Variants in MMP14 observed in about 807,000 individuals in gnomAD.
MMP14 encodes the protein matrix metalloproteinase-14.
Under a neutral mutation model 64.8 loss-of-function variants are expected in MMP14, and 13 were observed. That is an observed-to-expected ratio of 0.20 (90% CI 0.13 to 0.32). The LOEUF is 0.32. Among genes scored for constraint, MMP14 ranks in the 10% least tolerant of loss-of-function variants. MMP14 has a pLI of 1.00. For synonymous variants in MMP14, 322 were observed against 315.9 expected (o/e 1.02, Z -0.20); for missense variants, 594 against 783.8 (o/e 0.76, Z 2.89).
At position 22,844,487 on chromosome 14, in the gene MMP14, T is replaced by C. The variant is rs372860898; in HGVS notation, c.1128T>C (p.Asp376=). 1 of 1,614,176 alleles carries C rather than the reference T, an allele frequency of 6.2e-7. No individual in the cohort carries two copies. Among genetic ancestry groups the C allele is most frequent in the African/African-American group, 1.3e-5 (1 of 75,046 alleles). The change falls in exon 7 of 10, where the codon GAT becomes GAC. Residue 376 remains aspartate (D), a synonymous_variant. Coordinates refer to ENST00000311852, the MANE Select transcript of MMP14 (RefSeq NM_004995.4). ...TCAACACTGCCTACGAGAGGAAGGA[T>C]GGCAAATTCGTCTTCTTCAAAGGTA... ...ASINTAYERK[D]GKFVFFKGDK...
Position 22,845,832 on chromosome 14 carries a change from G to A in MMP14, c.1542G>A (p.Pro514=), listed in dbSNP as rs757826669. 1.5e-5 allele frequency: 25 copies of A among 1,614,076 alleles called. No homozygotes were observed. The highest frequency in any genetic ancestry group is 6.7e-5 in the African/African-American group (5 of 74,940). ...TGGGCTGCCCATCGGGAGGCCGGCC[G>A]GATGAGGGGACTGAGGAGGAGACGG... The part of the protein sequence containing the change: ...DWMGCPSGGR[P]DEGTEEETEV... Residue 514 remains proline (P), a synonymous_variant, in exon 10 of 10, where the codon CCG becomes CCA. Transcript: ENST00000311852.
intron 9 of MMP14, among the ~76,000 whole-genome samples, 153 bp downstream of exon 9, chr14:22,845,519 T>C (rs1165520396): frequency 6.6e-6 from 1 of 152,116 alleles, no homozygotes; most frequent in Non-Finnish European, 1.5e-5. Flanking sequence ...CCACACGTGG[T>C]GCCCATTCAT....
chr14:22,839,987 GAGAC>G (rs2039761978), intron 1 of MMP14, among the ~76,000 whole-genome samples: 1 of 25,598 alleles, frequency 3.9e-5, no homozygotes. Context: ...TTTTTTTTTT[GAGAC>G]AGAGTCTCGC....
chr14:22,843,858 G>A lies in MMP14; in HGVS notation c.999G>A (p.Met333Ile), dbSNP rs2039791674. ...FDTVAMLRGEMFVFKERWFWR... is the reference protein window; with the variant it reads ...FDTVAMLRGEIFVFKERWFWR... ...CCGTGGCCATGCTCCGAGGGGAGAT[G>A]TTTGTCTTCAAGGTGAGAAGAAGTG... Residue 333 changes from methionine to isoleucine, a missense_variant, in exon 6 of 10, where the codon ATG (methionine) becomes ATA (isoleucine). Coordinates refer to ENST00000311852, the MANE Select transcript of MMP14 (RefSeq NM_004995.4). This position sits in a 1 kb window ranked among gnomAD's most constrained non-coding sequence, Gnocchi z 4.8. 1 of 1,611,374 alleles carries A rather than the reference G, an allele frequency of 6.2e-7. No homozygotes were observed. The highest frequency in any genetic ancestry group is 8.5e-7 in the Non-Finnish European group (1 of 1,179,362).
chr14:22,845,892 CG>C lies in MMP14; in HGVS notation c.1606del (p.Ala536ArgfsTer2). 6.2e-7 allele frequency: 1 copy of C among 1,613,058 alleles called. No individual in the cohort carries two copies. Among genetic ancestry groups the C allele is most frequent in the Non-Finnish European group, 8.5e-7 (1 of 1,179,550 alleles). On this transcript the variant is annotated frameshift_variant, in exon 10 of 10. Transcript: ENST00000311852. LOFTEE classifies it high-confidence loss of function. Reference sequence around the variant, plus strand: ...TCATTGAGGTGGACGAGGAGGGCGGCGGGGCGGTGAGCGCGGCTGCCGTGGT... The same window carrying C: ...TCATTGAGGTGGACGAGGAGGGCGGCGGGCGGTGAGCGCGGCTGCCGTGGT... ...IIIEVDEEGG[G>X]AVSAAAVVLP...
intron 8 of MMP14, 103 bp from the exon 9 acceptor site, chr14:22,845,148 T>C: frequency 1.4e-6 from 1 of 706,564 alleles, no homozygotes; most frequent in South Asian, 1.6e-5. Flanking sequence ...GTCCCCACCC[T>C]GTCCACAGCT....
chr14:22,838,318 T>G (rs147771010), intron 1 of MMP14, among the ~76,000 whole-genome samples: 162 of 152,202 alleles, frequency 1.1e-3, no homozygotes, highest in African/African-American at 3.7e-3. Flanking sequence ...TTACCTTTTT[T>G]CCCTCCCCTG....
In MMP14 at chr14:22,842,377, A is replaced by C. The variant is rs1595014566; in HGVS notation, c.381-33A>C. Reference sequence around the variant, plus strand: ...ATGTTGCCCCTCTTTATCCTAACACACCCCATCCTCTCCCCACGTGGCTGG... The same window carrying C: ...ATGTTGCCCCTCTTTATCCTAACACCCCCCATCCTCTCCCCACGTGGCTGG... On this transcript the variant is annotated intron_variant, in intron 3 of 9. Coordinates refer to ENST00000311852, the MANE Select transcript of MMP14 (RefSeq NM_004995.4). This position sits in a 1 kb window ranked among gnomAD's most constrained non-coding sequence, Gnocchi z 5.3. 2 of 1,586,996 alleles carry C rather than the reference A, an allele frequency of 1.3e-6. No individual in the cohort carries two copies. The highest frequency in any genetic ancestry group is 1.7e-6 in the Non-Finnish European group (2 of 1,165,350).
intron 1 of MMP14, among the ~76,000 whole-genome samples, chr14:22,838,052 CT>C (rs1328737178): frequency 6.6e-6 from 1 of 152,186 alleles, no homozygotes; most frequent in Non-Finnish European, 1.5e-5. Flanking sequence ...AGAATACTGT[CT>C]TCTCTCTGCG....
chr14:22,843,764 G>C lies in MMP14; in HGVS notation c.905G>C (p.Arg302Pro). 1 of 1,612,356 alleles carries C rather than the reference G, an allele frequency of 6.2e-7. No individual in the cohort carries two copies. Among genetic ancestry groups the C allele is most frequent in the Non-Finnish European group, 8.5e-7 (1 of 1,179,614 alleles). Reference sequence around the variant, plus strand: ...CCCCCTCAACCCAGGACTACCTCCCGGCCTTCTGTTCCTGATAAACCCAAA... The same window carrying C: ...CCCCCTCAACCCAGGACTACCTCCCCGCCTTCTGTTCCTGATAAACCCAAA... The part of the protein sequence containing the change: ...KMPPQPRTTS[R>P]PSVPDKPKNP... Residue 302 changes from arginine to proline, a missense_variant, in exon 6 of 10, where the codon CGG becomes CCG. By Grantham distance (103) the Arg-to-Pro change is moderately radical (BLOSUM62 -2). Transcript: ENST00000311852. This position sits in a 1 kb window ranked among gnomAD's most constrained non-coding sequence, Gnocchi z 4.8.
rs368337976 is a variant in MMP14, at chr14:22,843,834, C to A, written c.975C>A (p.Thr325=). ...GPNICDGNFD[T]VAMLRGEMFV... ...ACATCTGTGACGGGAACTTTGACAC[C>A]GTGGCCATGCTCCGAGGGGAGATGT... Residue 325 remains threonine (T), a synonymous_variant, in exon 6 of 10, where the codon ACC becomes ACA. Coordinates refer to ENST00000311852, the MANE Select transcript of MMP14 (RefSeq NM_004995.4). The surrounding 1 kb of genome is among the most constrained non-coding windows in gnomAD (Gnocchi z 4.8). 5 of 1,612,720 alleles carry A rather than the reference C, an allele frequency of 3.1e-6. No homozygotes were observed. The highest frequency in any genetic ancestry group is 1.7e-5 in the Admixed American group (1 of 59,510).
At chr14:22,844,868 C>A in intron 8 of MMP14, 88 bp downstream of exon 8, 1 of 1,542,752 alleles carries the variant, frequency 6.5e-7, no homozygotes, top group East Asian at 2.3e-5. Flanking sequence ...ACCCACTTTA[C>A]CCCCAACATG....
At position 22,836,770 on chromosome 14, in the gene MMP14, C is replaced by A. The variant is rs773318174; in HGVS notation, c.-48C>A. 3.1e-6 allele frequency: 4 copies of A among 1,277,440 alleles called. No homozygotes were observed. Among genetic ancestry groups the A allele is most frequent in the Non-Finnish European group, 3.2e-6 (3 of 923,484 alleles). The allele number at this position is 1,277,440 out of a possible 1,614,324, so 79.1% of individuals were successfully genotyped here. A position where few individuals can be genotyped will look rare whatever the true frequency, so the allele number is the denominator to read the frequency against. Reference sequence around the variant, plus strand: ...TGGCGGTGCGACCCCAGGGCGTGGGCCCGGCCGCGGAGCCCACACTGCCCG... The same window carrying A: ...TGGCGGTGCGACCCCAGGGCGTGGGACCGGCCGCGGAGCCCACACTGCCCG... On this transcript the variant is annotated 5_prime_UTR_variant, in exon 1 of 10. Transcript: ENST00000311852.
Position 22,843,243 on chromosome 14 carries a change from C to T in MMP14, c.689-14C>T. Reference sequence around the variant, plus strand: ...GGACTCAGGCTGCTATCGTCACTGTCCCCATCCTTCCAGGAAATGACATCT... The same window carrying T: ...GGACTCAGGCTGCTATCGTCACTGTTCCCATCCTTCCAGGAAATGACATCT... On this transcript the variant is annotated splice_polypyrimidine_tract_variant and intron_variant, in intron 4 of 9. Transcript: ENST00000311852. This position sits in a 1 kb window ranked among gnomAD's most constrained non-coding sequence, Gnocchi z 4.8. 1 of 1,611,258 alleles carries T rather than the reference C, an allele frequency of 6.2e-7. No individual in the cohort carries two copies. Among genetic ancestry groups the T allele is most frequent in the African/African-American group, 1.3e-5 (1 of 75,020 alleles).
In MMP14 at chr14:22,846,210, T is replaced by C. The variant is rs1016629034; in HGVS notation, c.*171T>C. On this transcript the variant is annotated 3_prime_UTR_variant, in exon 10 of 10. Coordinates refer to ENST00000311852, the MANE Select transcript of MMP14 (RefSeq NM_004995.4). ...CCTTCACCCTGACCGCCTCCCTCCC[T>C]CCTGCCCCGGCATTGCATCTTCCCT... The C allele has an allele frequency of 1.6e-6, 1 of 642,576 alleles. No homozygotes were observed. The highest frequency in any genetic ancestry group is 2.6e-6 in the Non-Finnish European group (1 of 383,984). The allele number at this position is 642,576 out of a possible 1,614,324, so 39.8% of individuals were successfully genotyped here.
rs778456336 is a variant in MMP14 at position 22,845,245 on chromosome 14, C to T, written c.1302-6C>T. 1.6e-5 allele frequency: 25 copies of T among 1,609,340 alleles called. No homozygotes were observed. The highest frequency in any genetic ancestry group is 1.5e-4 in the South Asian group (14 of 90,890). On this transcript the variant is annotated splice_region_variant and splice_polypyrimidine_tract_variant and intron_variant, in intron 8 of 9. Coordinates refer to ENST00000311852, the MANE Select transcript of MMP14 (RefSeq NM_004995.4). ...CCGCCACTGCCCTTCCTTTCCCCTT[C>T]CCCAGGTACTACCGTTTCAACGAAG...
Position 22,845,956 on chromosome 14 carries a change from G to A in MMP14, c.1666G>A (p.Gly556Ser). Reference sequence around the variant, plus strand: ...GCTGCTGCTCCTGGTGCTGGCGGTGGGCCTTGCAGTCTTCTTCTTCAGACG... The same window carrying A: ...GCTGCTGCTCCTGGTGCTGGCGGTGAGCCTTGCAGTCTTCTTCTTCAGACG... ...VLLLLLVLAVGLAVFFFRRHG... is the reference protein window; with the variant it reads ...VLLLLLVLAVSLAVFFFRRHG... Residue 556 changes from glycine to serine, a missense_variant, in exon 10 of 10, where the codon GGC (glycine) becomes AGC (serine). By Grantham distance (56) the Gly-to-Ser change is moderately conservative. Transcript: ENST00000311852. 2.5e-6 allele frequency: 4 copies of A among 1,585,480 alleles called. No homozygotes were observed. Among genetic ancestry groups the A allele is most frequent in the Non-Finnish European group, 3.4e-6 (4 of 1,164,876 alleles).
rs941644811 is a variant in MMP14, at chr14:22,842,226, G to A, written c.381-184G>A. The A allele has an allele frequency of 4.0e-6, 4 of 999,252 alleles. No homozygotes were observed. In the African/African-American group the frequency reaches 4.9e-5, roughly 12 times the overall value. The allele number at this position is 999,252 out of a possible 1,614,324, so 61.9% of individuals were successfully genotyped here. ...ATCAAGGGTGCACCCCAGTGCCAGA[G>A]AGCCAGAGCCTGAGGATCCCTTGTT... is the stretch of plus-strand genomic sequence containing the variant. On this transcript the variant is annotated intron_variant, in intron 3 of 9. Transcript: ENST00000311852. The surrounding 1 kb of genome is among the most constrained non-coding windows in gnomAD (Gnocchi z 5.3).
Position 22,841,991 on chromosome 14 carries a change from C to T in MMP14, c.336C>T (p.Tyr112=), listed in dbSNP as rs775300939. The T allele has an allele frequency of 9.9e-6, 16 of 1,614,122 alleles. No homozygotes were observed. The highest frequency in any genetic ancestry group is 5.0e-5 in the Admixed American group (3 of 60,014). Residue 112 remains tyrosine, a synonymous_variant, in exon 3 of 10, where the codon TAC becomes TAT. Coordinates refer to ENST00000311852, the MANE Select transcript of MMP14 (RefSeq NM_004995.4). ...AGGCCAATGTTCGAAGGAAGCGCTA[C>T]GCCATCCAGGGTCTCAAATGGCAAC... ...EIKANVRRKR[Y]AIQGLKWQHN...
Sources: allele counts gnomAD v4.1 joint callset (sites outside exome capture counted in the v4.1 genomes callset), GRCh38; gene constraint gnomAD v4.1.1; non-coding constraint Gnocchi (gnomAD v3.1); transcripts MANE v1.5; gene names NCBI Gene and HGNC (gene_info 2026-07-23, HGNC 2026-07-21).